Variants in PTPRN2 observed in about 807,000 individuals in gnomAD.
PTPRN2 encodes receptor-type tyrosine-protein phosphatase N2.
A neutral mutation model predicts 118.8 loss-of-function variants in PTPRN2; 74 were observed. The observed-to-expected ratio is 0.62, with a 90% CI of 0.52 to 0.76. The LOEUF is 0.76. Among genes scored for constraint, PTPRN2 ranks in the 30% least tolerant of loss-of-function variants. The probability of loss-of-function intolerance (pLI) is 0.00; values close to 1 mark genes in which losing one functional copy is unlikely to be tolerated. For missense variants in PTPRN2, 1,481 were observed against 1,394.4 expected (o/e 1.06, Z -0.99); for synonymous variants, 641 against 608.0 (o/e 1.05, Z -0.80).
chr7:158,133,643 G>A (rs139085744), intron 9 of PTPRN2, 34 bp downstream of exon 9: 64 of 1,524,416 alleles, frequency 4.2e-5, no homozygotes, highest in Admixed American at 6.0e-5. Context: ...GCCCTCCCTC[G>A]GCACACAGGA....
Position 158,192,307 on chromosome 7 carries a change from G to A in PTPRN2, c.549+20C>T. 6.9e-7 allele frequency: 1 copy of A among 1,451,174 alleles called. No homozygotes were observed. The highest frequency in any genetic ancestry group is 9.0e-7 in the Non-Finnish European group (1 of 1,107,192). 89.9% of individuals were successfully genotyped at this position (1,451,174 alleles called of 1,614,324 possible). A position where few individuals can be genotyped will look rare whatever the true frequency, so the allele number is the denominator to read the frequency against. On this transcript the variant is annotated intron_variant, in intron 5 of 22. Coordinates refer to ENST00000389418, the MANE Select transcript of PTPRN2 (RefSeq NM_002847.5). ...GAAGGAAAAGCCAACCCCGGCCCGG[G>A]GAGGAAGTGGAAGGGTCACCTCAGC...
intron 1 of PTPRN2, among the ~76,000 whole-genome samples, chr7:158,534,416 T>C (rs1003504055): frequency 1.4e-5 from 2 of 139,084 alleles, no homozygotes; most frequent in African/African-American, 2.7e-5. Context: ...ACCCATGCCC[T>C]GGGCTCTGTC....
chr7:158,481,760 C>T (rs937626476), intron 2 of PTPRN2, among the ~76,000 whole-genome samples: 1 of 152,204 alleles, frequency 6.6e-6, no homozygotes, highest in Non-Finnish European at 1.5e-5. Context: ...CTGCACCCAG[C>T]CAAGACTTAT....
At chr7:158,172,601 C>A (rs1823807225) in intron 5 of PTPRN2, among the ~76,000 whole-genome samples, 7 of 150,896 alleles carry the variant, frequency 4.6e-5, no homozygotes, top group Admixed American at 3.3e-4. Context: ...CCACCATCAA[C>A]AACAGCATCT....
At chr7:158,265,787 C>T (rs1035677417) in intron 3 of PTPRN2, among the ~76,000 whole-genome samples, 31 of 152,180 alleles carry the variant, frequency 2.0e-4, no homozygotes, top group Non-Finnish European at 3.8e-4. Flanking sequence ...ACATCAAAGG[C>T]GGTGGCCAGA....
At chr7:158,008,319 T>C (rs1805808956) in intron 11 of PTPRN2, among the ~76,000 whole-genome samples, 1 of 152,222 alleles carries the variant, frequency 6.6e-6, no homozygotes, top group Non-Finnish European at 1.5e-5. Flanking sequence ...AATTGCCCAT[T>C]CTTATTTTCA....
chr7:158,234,501 GCC>G (rs1563017346), intron 3 of PTPRN2, among the ~76,000 whole-genome samples: 3 of 78,364 alleles, frequency 3.8e-5, no homozygotes, highest in African/African-American at 1.6e-4. Context: ...CATACAAATG[GCC>G]AACAGATATA....
chr7:158,251,979 C>T (rs1796711592), intron 3 of PTPRN2, among the ~76,000 whole-genome samples: 1 of 152,184 alleles, frequency 6.6e-6, no homozygotes, highest in Admixed American at 6.5e-5. Flanking sequence ...CACCACATAC[C>T]TGCCCCAGGC....
intron 6 of PTPRN2, among the ~76,000 whole-genome samples, chr7:158,163,753 T>C (rs988747927): frequency 6.6e-6 from 1 of 151,994 alleles, no homozygotes; most frequent in Non-Finnish European, 1.5e-5. Flanking sequence ...TTCTATTTCA[T>C]AGGTGACGCC....
intron 11 of PTPRN2, among the ~76,000 whole-genome samples, chr7:158,073,736 A>G (rs764121534): frequency 6.6e-6 from 1 of 152,176 alleles, no homozygotes; most frequent in Non-Finnish European, 1.5e-5. Flanking sequence ...TTCAGAGGTG[A>G]GGGAAAGAGT....
intron 2 of PTPRN2, among the ~76,000 whole-genome samples, chr7:158,331,767 A>C (rs1296163511): frequency 0.011 from 1,698 of 149,990 alleles, no homozygotes; most frequent in African/African-American, 0.04. Context: ...TCACACTCTC[A>C]CCATAAGAGC....
At position 157,690,594 on chromosome 7, in the gene PTPRN2, G is replaced by A. The variant is rs1797427942; in HGVS notation, c.1789-7657C>T. ...CCCAGCGCCCGCGCGGGAGGAGGTGGGGGCGTGCGCCGGGCCGAGCGGCCT... is the reference window on the plus strand; with the variant it reads ...CCCAGCGCCCGCGCGGGAGGAGGTGAGGGCGTGCGCCGGGCCGAGCGGCCT... On this transcript the variant is annotated intron_variant, in intron 12 of 22. Coordinates refer to ENST00000389418, the MANE Select transcript of PTPRN2 (RefSeq NM_002847.5). The surrounding 1 kb of genome is among the most constrained non-coding windows in gnomAD (Gnocchi z 7.1). Among the ~76,000 whole-genome samples, 1 of 151,670 alleles carries A rather than the reference G, an allele frequency of 6.6e-6. No homozygotes were observed. The highest frequency in any genetic ancestry group is 6.6e-5 in the Admixed American group (1 of 15,236).
At chr7:158,055,437 G>C (rs1809713029) in intron 11 of PTPRN2, among the ~76,000 whole-genome samples, 1 of 152,136 alleles carries the variant, frequency 6.6e-6, no homozygotes, top group Non-Finnish European at 1.5e-5. Context: ...TTCCCTGGGG[G>C]AGTTTAGAGA....
chr7:158,070,396 C>T (rs547761845), intron 11 of PTPRN2, among the ~76,000 whole-genome samples: 98 of 109,098 alleles, frequency 9.0e-4, no homozygotes, highest in African/African-American at 2.8e-3. Context: ...TGGAGGTGCT[C>T]GTGGTGGTGG....
intron 1 of PTPRN2, among the ~76,000 whole-genome samples, chr7:158,551,082 C>T (rs1366246746): frequency 1.3e-5 from 2 of 152,244 alleles, no homozygotes; most frequent in African/African-American, 4.8e-5. Flanking sequence ...TGTGGCAGAA[C>T]ACCAGGGCAG....
intron 17 of PTPRN2, among the ~76,000 whole-genome samples, chr7:157,594,865 T>A (rs1801202294): frequency 6.6e-6 from 1 of 152,158 alleles, no homozygotes; most frequent in Non-Finnish European, 1.5e-5. Flanking sequence ...CAGGAGAGGA[T>A]GACAGAGGAT....
chr7:158,181,085 A>T (rs1252038023), intron 5 of PTPRN2, among the ~76,000 whole-genome samples: 1 of 152,128 alleles, frequency 6.6e-6, no homozygotes, highest in African/African-American at 2.4e-5. Flanking sequence ...TTTATCATAT[A>T]TGGCTTTTAT....
chr7:158,086,743 C>T (rs984687970), intron 10 of PTPRN2, among the ~76,000 whole-genome samples: 1 of 152,252 alleles, frequency 6.6e-6, no homozygotes, highest in Non-Finnish European at 1.5e-5. Flanking sequence ...AACTTTATGG[C>T]TCTGTGTGTG....
At chr7:157,908,990 C>T (rs1055551844) in intron 11 of PTPRN2, among the ~76,000 whole-genome samples, 4 of 151,882 alleles carry the variant, frequency 2.6e-5, no homozygotes, top group African/African-American at 7.3e-5. Flanking sequence ...TTATGAAGAT[C>T]GTCATTAAAC....
Sources: allele counts gnomAD v4.1 joint callset (sites outside exome capture counted in the v4.1 genomes callset), GRCh38; gene constraint gnomAD v4.1.1; non-coding constraint Gnocchi (gnomAD v3.1); transcripts MANE v1.5; gene names NCBI Gene and HGNC (gene_info 2026-07-23, HGNC 2026-07-21).